Variants in C18orf63 observed in about 807,000 individuals in gnomAD.
C18orf63 encodes the protein chromosome 18 open reading frame 63.
C18orf63 carries 50 observed loss-of-function variants against 75.3 expected under a neutral mutation model. The ratio of observed to expected loss-of-function variants is 0.66; its 90% CI spans 0.53 to 0.84. C18orf63 has a LOEUF of 0.84. C18orf63 is among the 40% of genes least tolerant of loss of function. C18orf63 has a pLI of 0.00. For missense variants in C18orf63, 732 were observed against 800.2 expected (o/e 0.91, Z 1.03); for synonymous variants, 232 against 267.6 (o/e 0.87, Z 1.30).
intron 2 of C18orf63, 54 bp from the exon 3 acceptor site, chr18:74,320,459 G>T: frequency 8.2e-7 from 1 of 1,219,332 alleles, no homozygotes; most frequent in Non-Finnish European, 1.1e-6. Context: ...ATTTGGGTGG[G>T]GACACAGAAC....
chr18:74,345,639 A>G (rs1328298949), intron 11 of C18orf63, among the ~76,000 whole-genome samples: 1 of 152,098 alleles, frequency 6.6e-6, no homozygotes, highest in Non-Finnish European at 1.5e-5. Context: ...TTACCCCAGT[A>G]CTTTTTCCCC....
intron 3 of C18orf63, 137 bp downstream of exon 3, chr18:74,320,728 G>A: frequency 2.0e-6 from 1 of 507,304 alleles, no homozygotes; most frequent in Non-Finnish European, 3.4e-6. Flanking sequence ...CAGGTTAATT[G>A]GATTATTAAC....
intron 7 of C18orf63, among the ~76,000 whole-genome samples, chr18:74,333,966 T>C (rs2145122023): frequency 6.6e-6 from 1 of 152,330 alleles, no homozygotes; most frequent in South Asian, 2.1e-4. Flanking sequence ...ATGTTTTTGA[T>C]ATGATGTCTT....
At position 74,357,279 on chromosome 18, in the gene C18orf63, C is replaced by T. The variant is rs898280892; in HGVS notation, c.*832C>T. On this transcript the variant is annotated 3_prime_UTR_variant, in exon 14 of 14. Transcript: ENST00000579455. ...GATGAGACAGCCGTGGCCTGAGCCC[C>T]TGAGTGCTGGTGGTCTAGTCTCAAG... 1.3e-5 allele frequency: 2 copies of T among 152,154 alleles called. No homozygotes were observed. The highest frequency in any genetic ancestry group is 4.8e-5 in the African/African-American group (2 of 41,428). 9.4% of individuals were successfully genotyped at this position (152,154 alleles called of 1,614,324 possible). A position where few individuals can be genotyped will look rare whatever the true frequency, so the allele number is the denominator to read the frequency against.
chr18:74,320,375 GA>G (rs1984099261), intron 2 of C18orf63, 137 bp from the exon 3 acceptor site: 1 of 527,976 alleles, frequency 1.9e-6, no homozygotes, highest in South Asian at 2.8e-5. Context: ...CAACAGGGGG[GA>G]AATCCGCCGC....
intron 10 of C18orf63, among the ~76,000 whole-genome samples, chr18:74,342,852 A>G (rs1364674219): frequency 1.3e-5 from 2 of 152,192 alleles, no homozygotes; most frequent in Admixed American, 6.5e-5. Flanking sequence ...ATAAGTGCTC[A>G]GGTGAAACTC....
chr18:74,340,880 T>C (rs989793802), intron 8 of C18orf63, among the ~76,000 whole-genome samples: 2 of 151,736 alleles, frequency 1.3e-5, no homozygotes, highest in Non-Finnish European at 2.9e-5. Context: ...ATTGGGGAGA[T>C]GTTGGTGAAA....
chr18:74,354,343 T>C, intron 12 of C18orf63, 75 bp downstream of exon 12: 1 of 1,337,780 alleles, frequency 7.5e-7, no homozygotes, highest in Non-Finnish European at 1.0e-6. Context: ...ATTTAAATGA[T>C]TTCCCTAAGA....
Position 74,343,719 on chromosome 18 carries a change from C to T in C18orf63, c.978+17C>T. ...AATATACAGGTAAGAGATCTCTTGTCCTATCTAGTTCTCCAAGACATACTA... is the reference window on the plus strand; with the variant it reads ...AATATACAGGTAAGAGATCTCTTGTTCTATCTAGTTCTCCAAGACATACTA... On this transcript the variant is annotated intron_variant, in intron 11 of 13. Transcript: ENST00000579455. The T allele has an allele frequency of 6.9e-7, 1 of 1,443,142 alleles. No individual in the cohort carries two copies. Among genetic ancestry groups the T allele is most frequent in the African/African-American group, 1.4e-5 (1 of 69,810 alleles). The allele number at this position is 1,443,142 out of a possible 1,614,324, so 89.4% of individuals were successfully genotyped here. A position where few individuals can be genotyped will look rare whatever the true frequency, so the allele number is the denominator to read the frequency against.
At chr18:74,346,028 A>G (rs997226862) in intron 11 of C18orf63, among the ~76,000 whole-genome samples, 1 of 152,056 alleles carries the variant, frequency 6.6e-6, no homozygotes, top group African/African-American at 2.4e-5. Flanking sequence ...ATTGAGTCTT[A>G]CAATCTAAGA....
intron 11 of C18orf63, among the ~76,000 whole-genome samples, chr18:74,350,031 T>A (rs990058837): frequency 2.0e-5 from 3 of 152,160 alleles, no homozygotes; most frequent in African/African-American, 7.2e-5. Flanking sequence ...TGAACACCAG[T>A]CCATCCTATC....
Position 74,357,369 on chromosome 18 carries a change from A to G in C18orf63, c.*922A>G, listed in dbSNP as rs1196885090. The G allele has an allele frequency of 6.6e-6, 1 of 152,228 alleles. No individual in the cohort carries two copies. The highest frequency in any genetic ancestry group is 2.4e-5 in the African/African-American group (1 of 41,464). The allele number at this position is 152,228 out of a possible 1,614,324, so 9.4% of individuals were successfully genotyped here. On this transcript the variant is annotated 3_prime_UTR_variant, in exon 14 of 14. Transcript: ENST00000579455. ...GTATGTATTGAAGCATATGTCCAGA[A>G]TGACCTTCTAGTCCATATTACAAAT...
chr18:74,328,946 G>A, intron 5 of C18orf63, 49 bp from the exon 6 acceptor site: 1 of 984,298 alleles, frequency 1.0e-6, no homozygotes, highest in Non-Finnish European at 1.5e-6. Context: ...TATCAAGCAT[G>A]ATTATTTATG....
chr18:74,337,815 C>T (rs1984417028), intron 7 of C18orf63, among the ~76,000 whole-genome samples: 2 of 152,088 alleles, frequency 1.3e-5, no homozygotes, highest in South Asian at 4.1e-4. Context: ...TAATGAATGA[C>T]ATAGGAACTC....
chr18:74,345,985 G>GAC (rs1207303999), intron 11 of C18orf63, among the ~76,000 whole-genome samples: 9 of 151,972 alleles, frequency 5.9e-5, no homozygotes, highest in Non-Finnish European at 1.3e-4. Flanking sequence ...CATAGAGACA[G>GAC]AGAGAGCATG....
At position 74,359,100 on chromosome 18, in the gene C18orf63, C is replaced by T. The variant is rs1309998468; in HGVS notation, c.*2653C>T. On this transcript the variant is annotated 3_prime_UTR_variant, in exon 14 of 14. Transcript: ENST00000579455. Reference sequence around the variant, plus strand: ...ATAAATATTTAAGAATGTCATGGTCCTTATGTTTTGATGTTTAAAATGTTC... The same window carrying T: ...ATAAATATTTAAGAATGTCATGGTCTTTATGTTTTGATGTTTAAAATGTTC... 6.6e-6 allele frequency: 1 copy of T among 151,976 alleles called. No homozygotes were observed. Among genetic ancestry groups the T allele is most frequent in the African/African-American group, 2.4e-5 (1 of 41,382 alleles). 9.4% of individuals were successfully genotyped at this position (151,976 alleles called of 1,614,324 possible). A position where few individuals can be genotyped will look rare whatever the true frequency, so the allele number is the denominator to read the frequency against.
Position 74,354,155 on chromosome 18 carries a change from A to T in C18orf63, c.1888A>T (p.Ser630Cys). The change falls in exon 12 of 14, where the codon AGC becomes TGC. Residue 630 changes from serine to cysteine, a missense_variant. Coordinates refer to ENST00000579455, the MANE Select transcript of C18orf63 (RefSeq NM_001174123.2). The part of the protein sequence containing the change: ...VGTSDHRLIV[S>C]KIAHRSKRKL... ...TACAAGTGACCACAGGTTGATAGTA[A>T]GCAAAATAGCCCACAGGTCTAAAAG... 6.5e-7 allele frequency: 1 copy of T among 1,536,364 alleles called. No homozygotes were observed. Among genetic ancestry groups the T allele is most frequent in the Non-Finnish European group, 8.7e-7 (1 of 1,146,964 alleles).
At chr18:74,347,942 T>C (rs1984601819) in intron 11 of C18orf63, among the ~76,000 whole-genome samples, 1 of 152,212 alleles carries the variant, frequency 6.6e-6, no homozygotes, top group South Asian at 2.1e-4. Flanking sequence ...TATAGTGTTT[T>C]ACCTGTAAAG....
At chr18:74,316,419 C>T (rs751871768) in intron 1 of C18orf63, among the ~76,000 whole-genome samples, 7 of 152,182 alleles carry the variant, frequency 4.6e-5, no homozygotes, top group Admixed American at 3.3e-4. Context: ...CTGGGGGCAG[C>T]GGCAAGCCGG....
Sources: gnomAD v4.1 joint callset for allele counts (sites outside exome capture counted in the v4.1 genomes callset) on GRCh38, gnomAD v4.1.1 for gene constraint, MANE v1.5 for transcripts, NCBI Gene and HGNC (gene_info 2026-07-23, HGNC 2026-07-21) for gene names.